Variants in PTCH1 observed in about 807,000 individuals in gnomAD.
PTCH1 encodes protein patched homolog 1.
PTCH1 carries 14 observed loss-of-function variants against 144.6 expected under a neutral mutation model. The observed-to-expected ratio is 0.10, with a 90% CI of 0.06 to 0.15. The LOEUF is 0.15. Among genes scored for constraint, PTCH1 ranks in the 10% least tolerant of loss-of-function variants. The probability of loss-of-function intolerance (pLI) is 1.00; values close to 1 mark genes in which losing one functional copy is unlikely to be tolerated. For synonymous variants in PTCH1, 833 were observed against 793.6 expected (o/e 1.05, Z -0.83); for missense variants, 1,623 against 1,948.3 (o/e 0.83, Z 3.14).
At chr9:95,509,551 CCTTTT>C (rs1198138245), upstream of PTCH1, among the ~76,000 whole-genome samples, 2 of 152,370 alleles carry the variant, frequency 1.3e-5, no homozygotes, top group Admixed American at 6.5e-5. Context: ...CTCTCTTATT[CCTTTT>C]CTTTTCAACA....
rs985107699 is a variant in PTCH1, at chr9:95,458,954, C to T, written c.2887+646G>A. Among the ~76,000 whole-genome samples, 5 of 152,214 alleles carry T rather than the reference C, an allele frequency of 3.3e-5. No homozygotes were observed. Among genetic ancestry groups the T allele is most frequent in the Admixed American group, 6.5e-5 (1 of 15,274 alleles). On this transcript the variant is annotated intron_variant, in intron 17 of 23. Coordinates refer to ENST00000331920, the MANE Select transcript of PTCH1 (RefSeq NM_000264.5). This position sits in a 1 kb window ranked among gnomAD's most constrained non-coding sequence, Gnocchi z 4.7. ...GCACTGGATCCGGGGAAGCACTACT[C>T]GCTGAGTCTCCAGCCATGTTTGCAA...
Position 95,506,464 on chromosome 9 carries a change from C to T in PTCH1, c.337G>A (p.Ala113Thr), listed in dbSNP as rs1843653911. 6.2e-7 allele frequency: 1 copy of T among 1,613,372 alleles called. No individual in the cohort carries two copies. Among genetic ancestry groups the T allele is most frequent in the Non-Finnish European group, 8.5e-7 (1 of 1,179,688 alleles). ...AGGTTCGCTGCTTTTAATCCCACCG[C>T]GAAGGCCCCAAATATGAGGAGGCCC... ...VVGLLIFGAF[A>T]VGLKAANLET... Residue 113 changes from alanine to threonine, a missense_variant, in exon 2 of 24, where the codon GCG (alanine) becomes ACG (threonine). Coordinates refer to ENST00000331920, the MANE Select transcript of PTCH1 (RefSeq NM_000264.5).
chr9:95,462,475 G>A (rs1839577347), intron 15 of PTCH1, among the ~76,000 whole-genome samples: 1 of 152,174 alleles, frequency 6.6e-6, no homozygotes, highest in Non-Finnish European at 1.5e-5. Flanking sequence ...AGCCCAGGGT[G>A]AGCGAACACG....
At chr9:95,495,889 A>G (rs1842753994) in intron 2 of PTCH1, among the ~76,000 whole-genome samples, 1 of 152,172 alleles carries the variant, frequency 6.6e-6, no homozygotes, top group Non-Finnish European at 1.5e-5. Context: ...TGGACCCTGC[A>G]TGAAGTACAC....
At chr9:95,479,857 G>C in intron 7 of PTCH1, 112 bp downstream of exon 7, 2 of 1,546,084 alleles carry the variant, frequency 1.3e-6, no homozygotes, top group Non-Finnish European at 8.9e-7. Flanking sequence ...GGCTAGCGAG[G>C]ATAACGGTTT....
In PTCH1 at chr9:95,492,337, T is replaced by C. The variant is rs115794250; in HGVS notation, c.395-6463A>G. 7.9e-3 allele frequency among the ~76,000 whole-genome samples: 1,210 copies of C among 152,262 alleles called. 19 individuals are homozygous for C. The highest frequency in any genetic ancestry group is 0.028 in the African/African-American group (1,150 of 41,532). On this transcript the variant is annotated intron_variant, in intron 2 of 23. Coordinates refer to ENST00000331920, the MANE Select transcript of PTCH1 (RefSeq NM_000264.5). ...CGTGGTTTTTTTACTGGTAAGTACG[T>C]AGGTGTGAATTAGTTTAAGAAAATG...
intron 20 of PTCH1, chr9:95,453,060 G>C (rs1564013214): frequency 3.1e-6 from 1 of 321,498 alleles, no homozygotes. Flanking sequence ...AAAGAAAGCA[G>C]AGTCACGATG....
intron 2 of PTCH1, among the ~76,000 whole-genome samples, chr9:95,495,619 T>C (rs1422290332): frequency 1.3e-5 from 2 of 151,984 alleles, no homozygotes; most frequent in African/African-American, 2.4e-5. Context: ...TTATATTTTG[T>C]TCAAGGCTAA....
intron 8 of PTCH1, 25 bp from the exon 9 acceptor site, chr9:95,478,211 T>C (rs1336117495): frequency 1.9e-6 from 3 of 1,614,088 alleles, no homozygotes; most frequent in East Asian, 4.5e-5. Context: ...GAATGCGAAA[T>C]GCCCAAATGC....
upstream of PTCH1, among the ~76,000 whole-genome samples, chr9:95,510,914 G>A (rs1844117854): frequency 6.6e-6 from 1 of 150,836 alleles, no homozygotes. Flanking sequence ...TAGGTAGGGA[G>A]GCGGATGCGC....
intron 1 of PTCH1, chr9:95,507,384 GC>G: frequency 1.0e-6 from 1 of 985,486 alleles, no homozygotes; most frequent in Non-Finnish European, 1.2e-6. Context: ...GCTGGCCGCG[GC>G]CCCGGCGGGC....
rs201602238 is a variant in PTCH1, at chr9:95,479,051, G to A, written c.1164C>T (p.Asn388=). The part of the protein sequence containing the change: ...GYEYVSHINW[N]EDKAAAILEA... The stretch of plus-strand genomic sequence containing the variant: ...CCAGGATGGCTGCCGCTTTGTCCTC[G>A]TTCCAGTTGATGTGTGAGACATACT... Residue 388 remains asparagine (N), a synonymous_variant, in exon 8 of 24, where the codon AAC becomes AAT. Coordinates refer to ENST00000331920, the MANE Select transcript of PTCH1 (RefSeq NM_000264.5). 33 of 1,614,126 alleles carry A rather than the reference G, an allele frequency of 2.0e-5. No homozygotes were observed. Among genetic ancestry groups the A allele is most frequent in the Admixed American group, 1.8e-4 (11 of 60,022 alleles).
At position 95,476,296 on chromosome 9, in the gene PTCH1, C is replaced by T. The variant is rs1841030514; in HGVS notation, c.1603-137G>A. ...CATGCTGGCATTAGGGAAACAGAGC[C>T]ACCTGCCTTACCCCCTAACACCAGC... On this transcript the variant is annotated intron_variant, in intron 11 of 23. Coordinates refer to ENST00000331920, the MANE Select transcript of PTCH1 (RefSeq NM_000264.5). The surrounding 1 kb of genome is among the most constrained non-coding windows in gnomAD (Gnocchi z 4.6). 3.9e-6 allele frequency: 5 copies of T among 1,267,924 alleles called. No homozygotes were observed. In the South Asian group the frequency reaches 6.5e-5, roughly 16 times the overall value. The allele number at this position is 1,267,924 out of a possible 1,614,324, so 78.5% of individuals were successfully genotyped here. A position where few individuals can be genotyped will look rare whatever the true frequency, so the allele number is the denominator to read the frequency against.
At chr9:95,516,802 T>G in exon 1 of PTCH1, 1 of 1,611,218 alleles carries the variant, frequency 6.2e-7, no homozygotes. Context: ...ACAAGCCTGT[T>G]TCTATTAAGC....
chr9:95,467,041 A>G, intron 15 of PTCH1, 75 bp downstream of exon 15: 3 of 1,490,160 alleles, frequency 2.0e-6, no homozygotes, highest in Non-Finnish European at 2.8e-6. Context: ...ACGCTCTCAT[A>G]ATCATGACAA....
rs1482075789 is a variant in PTCH1 at position 95,509,096 on chromosome 9, T to C, written c.-735A>G. 6.6e-6 allele frequency among the ~76,000 whole-genome samples: 1 copy of C among 152,082 alleles called. No homozygotes were observed. Among genetic ancestry groups the C allele is most frequent in the Non-Finnish European group, 1.5e-5 (1 of 67,980 alleles). ...TCCTCGGCAACCCGCTGGACCATTC[T>C]GTCCCCGTGCAGCGCGCCTCTCTCG... On this transcript the variant is annotated 5_prime_UTR_variant, in exon 1 of 24. Coordinates refer to ENST00000331920, the MANE Select transcript of PTCH1 (RefSeq NM_000264.5).
intron 2 of PTCH1, among the ~76,000 whole-genome samples, chr9:95,486,630 A>T (rs2118565123): frequency 6.6e-6 from 1 of 152,344 alleles, no homozygotes; most frequent in Admixed American, 6.5e-5. Context: ...CCTCACACCA[A>T]CCCAGCTTTC....
intron 1 of PTCH1, 194 bp downstream of exon 1, chr9:95,507,967 C>T: frequency 2.0e-6 from 3 of 1,480,046 alleles, no homozygotes; most frequent in South Asian, 1.3e-5. Flanking sequence ...CAGCCCTTTC[C>T]TCCCAGGACC....
intron 2 of PTCH1, among the ~76,000 whole-genome samples, chr9:95,490,519 TGACACACACA>T (rs1588632458): frequency 8.3e-6 from 1 of 119,830 alleles, no homozygotes; most frequent in African/African-American, 3.4e-5. Flanking sequence ...ACCTTCTATG[TGACACACACA>T]CACACACACA....
Sources: gnomAD v4.1 joint callset for allele counts (sites outside exome capture counted in the v4.1 genomes callset) on GRCh38, gnomAD v4.1.1 for gene constraint, Gnocchi (gnomAD v3.1) non-coding constraint, MANE v1.5 for transcripts, NCBI Gene and HGNC (gene_info 2026-07-23, HGNC 2026-07-21) for gene names.